PCSK7: variants seen among roughly 807,000 people sequenced by gnomAD.
The protein encoded by PCSK7 is proprotein convertase subtilisin/kexin type 7, also known as lymphoma proprotein convertase.
Under a neutral mutation model 73.3 loss-of-function variants are expected in PCSK7, and 38 were observed. The observed-to-expected ratio is 0.52, with a 90% CI of 0.40 to 0.68. PCSK7 has a LOEUF of 0.68. PCSK7 is among the 30% of genes least tolerant of loss of function. The pLI is 0.00. For missense variants in PCSK7, 692 were observed against 991.5 expected (o/e 0.70, Z 4.06); for synonymous variants, 296 against 383.8 (o/e 0.77, Z 2.68).
In PCSK7 at chr11:117,228,227, C is replaced by T; in HGVS notation, c.592G>A (p.Ala198Thr). 6.2e-7 allele frequency: 1 copy of T among 1,613,344 alleles called. No homozygotes were observed. Among genetic ancestry groups the T allele is most frequent in the Non-Finnish European group, 8.5e-7 (1 of 1,179,642 alleles). Residue 198 changes from alanine (A) to threonine (T), a missense_variant, in exon 4 of 17, where the codon GCA (alanine) becomes ACA (threonine). Ala to Thr is a moderately conservative substitution (Grantham distance 58, BLOSUM62 0). This residue lies in a region of PCSK7 where 574 missense variants were observed against 689.8 expected (regional missense o/e 0.83). Transcript: ENST00000320934. Reference sequence around the variant, plus strand: ...CCAGGGCCACTCACATAGTTGGGTGCAATGTCCTGGATGGTGTGTTCCACT... The same window carrying T: ...CCAGGGCCACTCACATAGTTGGGTGTAATGTCCTGGATGGTGTGTTCCACT... ...DGVEHTIQDI[A>T]PNYSPEGSYD... is the part of the protein sequence containing the mutation.
intron 3 of PCSK7, 21 bp from the exon 4 acceptor site, chr11:117,228,371 G>A (rs1269676198): frequency 2.5e-6 from 4 of 1,611,628 alleles, no homozygotes; most frequent in Non-Finnish European, 3.4e-6. Flanking sequence ...GACAGGATGG[G>A]AATACAGTGA....
At chr11:117,211,543 C>T (rs2031731257) in intron 12 of PCSK7, 1 of 152,208 alleles carries the variant, frequency 6.6e-6, no homozygotes, top group Non-Finnish European at 1.5e-5. Context: ...CCTCAAGCTC[C>T]TTTCTCCTAA....
intron 5 of PCSK7, 119 bp from the exon 6 acceptor site, chr11:117,226,140 G>C: frequency 1.7e-6 from 1 of 596,286 alleles, no homozygotes; most frequent in South Asian, 2.0e-5. Flanking sequence ...TGTACATTTT[G>C]CTTTTTTTTT....
At chr11:117,228,899 C>T (rs1015433090) in intron 3 of PCSK7, among the ~76,000 whole-genome samples, 3 of 152,164 alleles carry the variant, frequency 2.0e-5, no homozygotes, top group Admixed American at 1.3e-4. Context: ...GGATTACAGG[C>T]GTGAGCCACC....
intron 12 of PCSK7, chr11:117,213,949 T>TTC (rs368729580): frequency 1.6e-4 from 21 of 134,194 alleles, no homozygotes; most frequent in African/African-American, 6.3e-4. Flanking sequence ...TCTTTTCTTT[T>TTC]CTTTTTCTTT....
At chr11:117,224,624 G>C in intron 7 of PCSK7, 77 bp downstream of exon 7, 1 of 1,188,238 alleles carries the variant, frequency 8.4e-7, no homozygotes. Context: ...GGGAAGATGG[G>C]TCAACTTGCA....
intron 1 of PCSK7, chr11:117,231,801 G>C (rs551214479): frequency 6.6e-6 from 1 of 152,330 alleles, no homozygotes. Flanking sequence ...TCAGTTTCCC[G>C]ATTCTCCCTC....
At position 117,228,367 on chromosome 11, in the gene PCSK7, A is replaced by G. The variant is rs1392962462; in HGVS notation, c.469-17T>C. 6.2e-7 allele frequency: 1 copy of G among 1,612,832 alleles called. No homozygotes were observed. Among genetic ancestry groups the G allele is most frequent in the African/African-American group, 1.3e-5 (1 of 75,014 alleles). ...TCGGTTATTCTGTAAGAGAGACAGGATGGGAATACAGTGACACATAGCACA... is the reference window on the plus strand; with the variant it reads ...TCGGTTATTCTGTAAGAGAGACAGGGTGGGAATACAGTGACACATAGCACA... On this transcript the variant is annotated splice_polypyrimidine_tract_variant and intron_variant, in intron 3 of 16. Coordinates refer to ENST00000320934, the MANE Select transcript of PCSK7 (RefSeq NM_004716.4).
chr11:117,216,892 G>C (rs1193562998), intron 12 of PCSK7: 1 of 152,134 alleles, frequency 6.6e-6, no homozygotes, highest in Non-Finnish European at 1.5e-5. Flanking sequence ...GCAAAAAGTT[G>C]TGAATAACTC....
Sources: gnomAD v4.1 joint callset for allele counts (sites outside exome capture counted in the v4.1 genomes callset) on GRCh38, gnomAD v4.1.1 for gene constraint, gnomAD v4.1.1 regional missense constraint, MANE v1.5 for transcripts, NCBI Gene and HGNC (gene_info 2026-07-23, HGNC 2026-07-21) for gene names.